GABRG1: variants seen among roughly 807,000 people sequenced by gnomAD.
GABRG1 encodes gamma-aminobutyric acid receptor subunit gamma-1.
A neutral mutation model predicts 49.8 loss-of-function variants in GABRG1; 49 were observed. The ratio of observed to expected loss-of-function variants is 0.98; its 90% CI spans 0.78 to 1.25. The LOEUF (loss-of-function observed/expected upper bound fraction) is 1.25, where lower values mean the gene tolerates loss of function less well. GABRG1 is among the 50% of genes most tolerant of loss of function. GABRG1 has a pLI of 0.00. For missense variants in GABRG1, 552 were observed against 552.3 expected, an observed-to-expected ratio of 1.00 and a Z score of 0.01; for synonymous variants, 232 against 185.1, an observed-to-expected ratio of 1.25 and a Z score of -2.06.
chr4:46,090,641 C>T lies in GABRG1; in HGVS notation c.253+6560G>A, dbSNP rs1719944531. Among the ~76,000 whole-genome samples, 7 of 151,862 alleles carry T rather than the reference C, an allele frequency of 4.6e-5. No individual in the cohort carries two copies. In the South Asian group the frequency reaches 1.5e-3, roughly 32 times the overall value. Reference sequence around the variant, plus strand: ...TTTAATTGATATCAAAATATCCAACCCAATAAAGAAAACTATAAATTTTTT... The same window carrying T: ...TTTAATTGATATCAAAATATCCAACTCAATAAAGAAAACTATAAATTTTTT... On this transcript the variant is annotated intron_variant, in intron 2 of 8. Transcript: ENST00000295452.
chr4:46,070,015 C>A (rs1047160274), intron 3 of GABRG1, among the ~76,000 whole-genome samples: 3 of 151,672 alleles, frequency 2.0e-5, no homozygotes, highest in African/African-American at 7.3e-5. Flanking sequence ...AAGGGCAGGG[C>A]GGGATGGAAA....
At chr4:46,088,805 T>G (rs200411024) in intron 2 of GABRG1, among the ~76,000 whole-genome samples, 32 of 142,596 alleles carry the variant, frequency 2.2e-4, no homozygotes, top group East Asian at 6.5e-4. Context: ...GTGTGTGTGT[T>G]TGTGTGTGTT....
At position 46,099,962 on chromosome 4, in the gene GABRG1, G is replaced by A. The variant is rs556733618; in HGVS notation, c.105-2613C>T. 5.3e-5 allele frequency among the ~76,000 whole-genome samples: 8 copies of A among 151,720 alleles called. No homozygotes were observed. The South Asian group carries it at 8.3e-4, about 16-fold the overall frequency. ...ATAATATTGTTCCAATTTGAGATAC[G>A]TTTATATATGAGTAAAAATACTTTG... On this transcript the variant is annotated intron_variant, in intron 1 of 8. Transcript: ENST00000295452.
intron 7 of GABRG1, among the ~76,000 whole-genome samples, chr4:46,053,681 T>C (rs1332937218): frequency 1.3e-5 from 2 of 152,104 alleles, no homozygotes; most frequent in East Asian, 1.9e-4. Context: ...TTAAATCCAA[T>C]GTGTGGTTTC....
At chr4:46,060,550 T>A (rs1482263019) in intron 5 of GABRG1, among the ~76,000 whole-genome samples, 1 of 152,144 alleles carries the variant, frequency 6.6e-6, no homozygotes, top group African/African-American at 2.4e-5. Context: ...TGGTATAAAA[T>A]TTTTGTTTTC....
chr4:46,108,560 C>A (rs879500567), intron 1 of GABRG1, among the ~76,000 whole-genome samples: 11 of 150,912 alleles, frequency 7.3e-5, no homozygotes, highest in Non-Finnish European at 1.2e-4. Flanking sequence ...ACATATTAAT[C>A]CTTACCACTA....
chr4:46,088,922 C>A (rs771619462), intron 2 of GABRG1, among the ~76,000 whole-genome samples: 2 of 151,588 alleles, frequency 1.3e-5, no homozygotes, highest in African/African-American at 4.8e-5. Context: ...AGGCAGCAGA[C>A]TTGGCAACCT....
In GABRG1 at chr4:46,037,321, A is replaced by T. The variant is rs1054539718; in HGVS notation, c.*3667T>A. 2 of 151,512 alleles carry T rather than the reference A, an allele frequency of 1.3e-5. No individual in the cohort carries two copies. The highest frequency in any genetic ancestry group is 4.8e-5 in the African/African-American group (2 of 41,336). The allele number at this position is 151,512 out of a possible 1,614,324, so 9.4% of individuals were successfully genotyped here. ...GCAATGTGGTCAATAGTATTTGAAA[A>T]CTCCATTTGGAAAGTCCTTGATAAA... On this transcript the variant is annotated 3_prime_UTR_variant, in exon 9 of 9. Coordinates refer to ENST00000295452, the MANE Select transcript of GABRG1 (RefSeq NM_173536.4).
Position 46,058,241 on chromosome 4 carries a change from C to A in GABRG1, c.892G>T (p.Ala298Ser), listed in dbSNP as rs1718527148. ...CCCAACGATGTTCTTGCAGGCACTG[C>A]ATCTTTATTGATCCAAAAAGACACC... ...SWVSFWINKD[A>S]VPARTSLGIT... The change falls in exon 7 of 9, where the codon GCA (alanine) becomes TCA (serine). Residue 298 changes from alanine (A) to serine (S), a missense_variant. Physicochemically the swap from Ala to Ser is moderately conservative, Grantham distance 99. Transcript: ENST00000295452. 1 of 1,612,914 alleles carries A rather than the reference C, an allele frequency of 6.2e-7. No individual in the cohort carries two copies. Among genetic ancestry groups the A allele is most frequent in the Non-Finnish European group, 8.5e-7 (1 of 1,179,402 alleles).
chr4:46,058,126 T>A, intron 7 of GABRG1, 91 bp downstream of exon 7: 1 of 1,243,204 alleles, frequency 8.0e-7, no homozygotes, highest in Non-Finnish European at 1.1e-6. Context: ...TCTAGAAGAA[T>A]ATATCTAATA....
intron 3 of GABRG1, among the ~76,000 whole-genome samples, chr4:46,077,406 T>C (rs1183861276): frequency 6.6e-6 from 1 of 152,018 alleles, no homozygotes; most frequent in Non-Finnish European, 1.5e-5. Flanking sequence ...TAAAACTATG[T>C]ACATAAAGTT....
chr4:46,089,685 AGGCAT>A (rs1719910183), intron 2 of GABRG1, among the ~76,000 whole-genome samples: 1 of 152,090 alleles, frequency 6.6e-6, no homozygotes, highest in Admixed American at 6.6e-5. Flanking sequence ...AAAATAGGCT[AGGCAT>A]GGTGGCTTCT....
intron 5 of GABRG1, among the ~76,000 whole-genome samples, chr4:46,060,490 T>A (rs182406768): frequency 6.6e-6 from 1 of 152,298 alleles, no homozygotes; most frequent in East Asian, 1.9e-4. Context: ...TGTTTGTAGC[T>A]AAAAAGTTCT....
intron 8 of GABRG1, among the ~76,000 whole-genome samples, chr4:46,048,310 T>A (rs1718079086): frequency 1.3e-5 from 2 of 148,562 alleles, no homozygotes; most frequent in Non-Finnish European, 3.0e-5. Flanking sequence ...TATGAAACAA[T>A]CCAAAATGTC....
At chr4:46,121,012 G>C (rs1721076011) in intron 1 of GABRG1, among the ~76,000 whole-genome samples, 1 of 151,808 alleles carries the variant, frequency 6.6e-6, no homozygotes. Context: ...GAGTCTCCTA[G>C]AGAATGATAC....
intron 5 of GABRG1, among the ~76,000 whole-genome samples, chr4:46,064,147 T>C (rs1718817861): frequency 6.6e-6 from 1 of 152,068 alleles, no homozygotes; most frequent in Non-Finnish European, 1.5e-5. Context: ...AACATTTGAA[T>C]ACAAACCTAT....
At chr4:46,089,799 CA>C (rs371297453) in intron 2 of GABRG1, among the ~76,000 whole-genome samples, 1 of 151,764 alleles carries the variant, frequency 6.6e-6, no homozygotes, top group African/African-American at 2.4e-5. Flanking sequence ...CCCGTCTCTA[CA>C]AAAAATACAG....
chr4:46,122,876 C>T (rs776920565), intron 1 of GABRG1, among the ~76,000 whole-genome samples: 1 of 151,738 alleles, frequency 6.6e-6, no homozygotes, highest in African/African-American at 2.4e-5. Context: ...GTACCATGTC[C>T]CAGACCTTTA....
At chr4:46,076,361 T>TTTTA (rs1560360726) in intron 3 of GABRG1, among the ~76,000 whole-genome samples, 7 of 78,154 alleles carry the variant, frequency 9.0e-5, no homozygotes, top group African/African-American at 2.5e-4. Flanking sequence ...TAGGTCATGT[T>TTTTA]CATATATATA....
Sources: gnomAD v4.1 joint callset for allele counts (sites outside exome capture counted in the v4.1 genomes callset) on GRCh38, gnomAD v4.1.1 for gene constraint, MANE v1.5 for transcripts, NCBI Gene and HGNC (gene_info 2026-07-23, HGNC 2026-07-21) for gene names.